CYP3A5: variants seen among roughly 807,000 people sequenced by gnomAD.
CYP3A5 encodes the protein cytochrome P450 3A5.
In CYP3A5, 51 loss-of-function variants were observed where a neutral mutation model predicts 55.9. The observed-to-expected ratio is 0.91, with a 90% CI of 0.73 to 1.15. The LOEUF is 1.15. Among genes scored for constraint, CYP3A5 ranks in the 50% most tolerant of loss-of-function variants. The pLI is 0.00. For missense variants in CYP3A5, 533 were observed against 596.6 expected (o/e 0.89, Z 1.11); for synonymous variants, 196 against 213.9 (o/e 0.92, Z 0.73).
Position 99,662,591 on chromosome 7 carries a change from A to G in CYP3A5, c.865+225T>C, listed in dbSNP as rs1810563479. Reference sequence around the variant, plus strand: ...ATCCACAAACCACTGACTGTCCTCCAAGCATTCTAGGTTTGCTTAGGGTTG... The same window carrying G: ...ATCCACAAACCACTGACTGTCCTCCGAGCATTCTAGGTTTGCTTAGGGTTG... On this transcript the variant is annotated intron_variant, in intron 9 of 12. Coordinates refer to ENST00000222982, the MANE Select transcript of CYP3A5 (RefSeq NM_000777.5). This position sits in a 1 kb window ranked among gnomAD's most constrained non-coding sequence, Gnocchi z 4.3. 6.6e-6 allele frequency among the ~76,000 whole-genome samples: 1 copy of G among 152,144 alleles called. No homozygotes were observed. The highest frequency in any genetic ancestry group is 1.5e-5 in the Non-Finnish European group (1 of 68,014).
chr7:99,663,988 G>A lies in CYP3A5; in HGVS notation c.778C>T (p.Arg260Cys), dbSNP rs1810710694. 3 of 1,588,750 alleles carry A rather than the reference G, an allele frequency of 1.9e-6. No individual in the cohort carries two copies. The highest frequency in any genetic ancestry group is 1.2e-5 in the South Asian group (1 of 84,924). The change falls in exon 8 of 13, where the codon CGC (arginine) becomes TGC (cysteine). Residue 260 changes from arginine to cysteine, a missense_variant. Coordinates refer to ENST00000222982, the MANE Select transcript of CYP3A5 (RefSeq NM_000777.5). ...TTTACCTTTTGTTTGTCGTTGAGGC[G>A]ACTTTTCTTCATTCTGTTTACAGAT... ...SKSVNRMKKSRLNDKQKHRLD... is the reference protein window; with the variant it reads ...SKSVNRMKKSCLNDKQKHRLD...
chr7:99,654,470 C>T (rs940166124), intron 10 of CYP3A5, among the ~76,000 whole-genome samples: 4 of 152,136 alleles, frequency 2.6e-5, no homozygotes, highest in South Asian at 2.1e-4. Context: ...TTTTCTTAAT[C>T]CAGTCTATCA....
chr7:99,670,296 GT>G (rs1811467552), intron 4 of CYP3A5, among the ~76,000 whole-genome samples: 1 of 152,160 alleles, frequency 6.6e-6, no homozygotes, highest in Non-Finnish European at 1.5e-5. Flanking sequence ...GTGTCTTCAA[GT>G]TGAAAACCAA....
At chr7:99,670,221 G>C (rs1811455609) in intron 4 of CYP3A5, among the ~76,000 whole-genome samples, 1 of 152,174 alleles carries the variant, frequency 6.6e-6, no homozygotes, top group African/African-American at 2.4e-5. Context: ...ACTTGACAAT[G>C]AAAACTGGCT....
intron 4 of CYP3A5, chr7:99,671,787 C>T (rs1313225219): frequency 2.8e-6 from 2 of 702,310 alleles, no homozygotes; most frequent in East Asian, 2.7e-5. Flanking sequence ...GAGAAAAAGA[C>T]AAACTCCATG....
At chr7:99,654,203 G>A (rs1036339486) in intron 10 of CYP3A5, among the ~76,000 whole-genome samples, 2 of 152,136 alleles carry the variant, frequency 1.3e-5, no homozygotes, top group African/African-American at 4.8e-5. Context: ...TTAACATTCG[G>A]TATATCTCCT....
intron 9 of CYP3A5, among the ~76,000 whole-genome samples, chr7:99,661,042 A>G (rs1054935887): frequency 1.3e-5 from 2 of 152,208 alleles, no homozygotes; most frequent in Non-Finnish European, 2.9e-5. Context: ...CCCAATAAAA[A>G]TTTGATTTTC....
At chr7:99,665,460 C>T in intron 6 of CYP3A5, 146 bp from the exon 7 acceptor site, 1 of 1,236,616 alleles carries the variant, frequency 8.1e-7, no homozygotes, top group Non-Finnish European at 1.1e-6. Context: ...CTTCCATCTA[C>T]TCCCTCAGAA....
At chr7:99,649,153 G>T (rs1808907998) in intron 12 of CYP3A5, among the ~76,000 whole-genome samples, 1 of 152,124 alleles carries the variant, frequency 6.6e-6, no homozygotes, top group African/African-American at 2.4e-5. Context: ...GCTTGCCAGG[G>T]AATATCTTCC....
chr7:99,655,936 T>A (rs1227825734), intron 10 of CYP3A5, among the ~76,000 whole-genome samples: 1 of 152,258 alleles, frequency 6.6e-6, no homozygotes, highest in African/African-American at 2.4e-5. Flanking sequence ...TTTTGTATCC[T>A]GATACTTTGC....
At chr7:99,678,160 C>T (rs1023314846) in intron 1 of CYP3A5, among the ~76,000 whole-genome samples, 2 of 152,210 alleles carry the variant, frequency 1.3e-5, no homozygotes, top group African/African-American at 4.8e-5. Context: ...CCTGGCTGCC[C>T]GAGTCTGTAG....
At position 99,660,589 on chromosome 7, in the gene CYP3A5, A is replaced by ACTG; in HGVS notation, c.933_935dup (p.Ser312dup). 1 of 1,613,998 alleles carries ACTG rather than the reference A, an allele frequency of 6.2e-7. No homozygotes were observed. The highest frequency in any genetic ancestry group is 8.5e-7 in the Non-Finnish European group (1 of 1,179,960). On this transcript the variant is annotated inframe_insertion, in exon 10 of 13. Transcript: ENST00000222982. ...GTTCATATAAAGTGAAGGAAAGAAC[A>ACTG]CTGCTGGTGGTTTCATAGCCAGCAA... is the stretch of plus-strand genomic sequence containing the variant.
chr7:99,660,627 T>G lies in CYP3A5; in HGVS notation c.898A>C (p.Ile300Leu). The G allele has an allele frequency of 6.2e-7, 1 of 1,613,900 alleles. No individual in the cohort carries two copies. Among genetic ancestry groups the G allele is most frequent in the Non-Finnish European group, 8.5e-7 (1 of 1,179,886 alleles). ...TCATAGCCAGCAAAAATGAAGATTA[T>G]TGACTGGGCTGCGAGCTCCAGATCA... ...LSDLELAAQS[I>L]IFIFAGYETT... Residue 300 changes from isoleucine (I) to leucine (L), a missense_variant, in exon 10 of 13, where the codon ATA becomes CTA. Transcript: ENST00000222982.
chr7:99,665,577 G>T (rs1810918983), intron 6 of CYP3A5, among the ~76,000 whole-genome samples: 1 of 152,202 alleles, frequency 6.6e-6, no homozygotes, highest in Non-Finnish European at 1.5e-5. Flanking sequence ...GTCATAGGAA[G>T]ACAGAGACCC....
chr7:99,658,803 ACTTCT>A (rs1262936683), intron 10 of CYP3A5: 15 of 151,782 alleles, frequency 9.9e-5, no homozygotes, highest in African/African-American at 3.6e-4. Flanking sequence ...TTTCTTCTAA[ACTTCT>A]CTTCTTTCTT....
chr7:99,669,413 A>C (rs1043536895), intron 4 of CYP3A5, among the ~76,000 whole-genome samples: 2 of 152,252 alleles, frequency 1.3e-5, no homozygotes, highest in Non-Finnish European at 2.9e-5. Flanking sequence ...GGTAAAACCT[A>C]GTTATGTGGT....
At chr7:99,672,155 G>A (rs747358963) in intron 4 of CYP3A5, among the ~76,000 whole-genome samples, 8 of 152,036 alleles carry the variant, frequency 5.3e-5, no homozygotes, top group African/African-American at 1.4e-4. Flanking sequence ...AGGTTCAAGC[G>A]ATTCTCCTGT....
At chr7:99,674,687 G>A (rs28365067) in intron 2 of CYP3A5, 102 bp from the exon 3 acceptor site, 49,287 of 891,674 alleles carry the variant, frequency 0.055, 1,714 homozygotes, top group Middle Eastern at 0.1. Flanking sequence ...AATCAGGCCT[G>A]CTATCTTTCA....
intron 4 of CYP3A5, chr7:99,671,690 A>C: frequency 1.6e-6 from 1 of 621,982 alleles, no homozygotes; most frequent in South Asian, 1.9e-5. Context: ...TTCAGACTTA[A>C]CACCAAAAGA....
Sources: gnomAD v4.1 joint callset for allele counts (sites outside exome capture counted in the v4.1 genomes callset) on GRCh38, gnomAD v4.1.1 for gene constraint, Gnocchi (gnomAD v3.1) non-coding constraint, MANE v1.5 for transcripts, NCBI Gene and HGNC (gene_info 2026-07-23, HGNC 2026-07-21) for gene names.